NEBL: variants seen among roughly 807,000 people sequenced by gnomAD.
NEBL encodes the protein nebulette.
A neutral mutation model predicts 140.2 loss-of-function variants in NEBL; 122 were observed. The observed-to-expected ratio is 0.87, with a 90% CI of 0.75 to 1.01. NEBL has a LOEUF of 1.01. NEBL is among the 50% of genes least tolerant of loss of function. The pLI is 0.00. For synonymous variants in NEBL, 436 were observed against 398.9 expected (o/e 1.09, Z -1.11); for missense variants, 1,365 against 1,231.3 (o/e 1.11, Z -1.62).
rs1298480620 is a variant in NEBL, at chr10:20,808,507, T to C, written c.2761+3A>G. The C allele has an allele frequency of 6.2e-7, 1 of 1,613,866 alleles. No homozygotes were observed. Among genetic ancestry groups the C allele is most frequent in the Non-Finnish European group, 8.5e-7 (1 of 1,179,800 alleles). On this transcript the variant is annotated splice_donor_region_variant and intron_variant, in intron 26 of 27. Transcript: ENST00000377122. Reference sequence around the variant, plus strand: ...TTCTTTGTAAGCAGTGAATGTTTGATACCTCCTTCATCAGACGGTCTTGTT... The same window carrying C: ...TTCTTTGTAAGCAGTGAATGTTTGACACCTCCTTCATCAGACGGTCTTGTT...
intron 3 of NEBL, among the ~76,000 whole-genome samples, chr10:21,192,022 G>C (rs1167489962): frequency 1.3e-5 from 2 of 152,010 alleles, no homozygotes; most frequent in African/African-American, 4.8e-5. Flanking sequence ...GGGTCCCAAG[G>C]TTTTTGTTTC....
At chr10:20,803,822 T>A (rs575760546) in intron 26 of NEBL, among the ~76,000 whole-genome samples, 11,921 of 144,352 alleles carry the variant, frequency 0.083, 570 homozygotes, top group African/African-American at 0.12. Context: ...AATATATATA[T>A]ATATATATAT....
At chr10:21,029,049 A>G (rs1218312009) in intron 2 of NEBL, 7 of 958,362 alleles carry the variant, frequency 7.3e-6, no homozygotes, top group Middle Eastern at 3.3e-4. Flanking sequence ...CTATCTCCCT[A>G]ACAGACTTTC....
chr10:21,070,356 A>C (rs1835762088), intron 2 of NEBL, among the ~76,000 whole-genome samples: 1 of 152,182 alleles, frequency 6.6e-6, no homozygotes, highest in African/African-American at 2.4e-5. Context: ...CCCTGGTTAA[A>C]ATTAATGACA....
chr10:21,091,900 G>A (rs1250749429), intron 2 of NEBL, among the ~76,000 whole-genome samples: 2 of 152,128 alleles, frequency 1.3e-5, no homozygotes, highest in Admixed American at 1.3e-4. Context: ...TCAAAATGCT[G>A]GGATTACCGG....
At chr10:21,113,375 C>T in intron 2 of NEBL, 1 of 400,016 alleles carries the variant, frequency 2.5e-6, no homozygotes, top group Admixed American at 3.0e-5. Flanking sequence ...AAAATGCAAA[C>T]AAACACAGAA....
At chr10:21,083,872 C>T (rs1836498123) in intron 2 of NEBL, among the ~76,000 whole-genome samples, 2 of 152,138 alleles carry the variant, frequency 1.3e-5, no homozygotes, top group African/African-American at 4.8e-5. Flanking sequence ...AGAAGCTACA[C>T]TCTTACAGGT....
chr10:20,788,256 A>G (rs1433249842), intron 26 of NEBL, among the ~76,000 whole-genome samples: 1 of 152,210 alleles, frequency 6.6e-6, no homozygotes, highest in East Asian at 1.9e-4. Context: ...TGTCTTTTGA[A>G]AAATTTATGT....
intron 2 of NEBL, among the ~76,000 whole-genome samples, chr10:21,141,812 T>C (rs1839643298): frequency 6.6e-6 from 1 of 152,222 alleles, no homozygotes. Flanking sequence ...TCCCTTTGGA[T>C]GAAGCTCTGA....
intron 2 of NEBL, among the ~76,000 whole-genome samples, chr10:21,060,931 G>C (rs765173521): frequency 1.3e-5 from 2 of 152,040 alleles, no homozygotes; most frequent in Non-Finnish European, 2.9e-5. Context: ...ATGCTCCTTT[G>C]GTTCTCTTAC....
chr10:20,870,724 G>C (rs928426048), intron 5 of NEBL, among the ~76,000 whole-genome samples: 3 of 152,196 alleles, frequency 2.0e-5, no homozygotes, highest in Admixed American at 6.5e-5. Context: ...TCATTGGAAT[G>C]ACTTGAGCCT....
intron 2 of NEBL, among the ~76,000 whole-genome samples, chr10:21,110,151 A>G (rs1004883143): frequency 4.6e-5 from 7 of 152,054 alleles, no homozygotes; most frequent in African/African-American, 1.7e-4. Flanking sequence ...TTCATTTATT[A>G]TAATTGCTTT....
intron 3 of NEBL, among the ~76,000 whole-genome samples, chr10:20,987,359 C>G (rs1429166003): frequency 7.9e-5 from 12 of 152,242 alleles, no homozygotes. Flanking sequence ...CATCTCTCCT[C>G]CCTGCTCTTT....
At chr10:21,080,566 T>A (rs926162975) in intron 2 of NEBL, among the ~76,000 whole-genome samples, 1 of 152,192 alleles carries the variant, frequency 6.6e-6, no homozygotes, top group African/African-American at 2.4e-5. Context: ...GAGGGGAAGA[T>A]AAGCATATAC....
At chr10:21,054,338 T>C (rs150345963) in intron 2 of NEBL, among the ~76,000 whole-genome samples, 168 of 152,280 alleles carry the variant, frequency 1.1e-3, no homozygotes, top group African/African-American at 3.9e-3. Context: ...ATCTGTTTAA[T>C]GGTTATTTTT....
intron 3 of NEBL, among the ~76,000 whole-genome samples, chr10:21,215,868 G>A (rs1841984591): frequency 6.6e-6 from 1 of 152,102 alleles, no homozygotes; most frequent in Non-Finnish European, 1.5e-5. Context: ...ACAGGGTCTT[G>A]CCATGTTGCT....
At chr10:20,999,660 T>C (rs889691252) in intron 3 of NEBL, among the ~76,000 whole-genome samples, 1 of 151,904 alleles carries the variant, frequency 6.6e-6, no homozygotes, top group Non-Finnish European at 1.5e-5. Context: ...CCAGGATCTA[T>C]ATACCCAGGG....
chr10:20,929,290 A>T (rs926935933), intron 4 of NEBL, among the ~76,000 whole-genome samples: 1 of 151,908 alleles, frequency 6.6e-6, no homozygotes, highest in African/African-American at 2.4e-5. Flanking sequence ...CCTATCACTG[A>T]TTAAAGGAAC....
intron 4 of NEBL, among the ~76,000 whole-genome samples, chr10:20,928,630 C>T (rs1328272209): frequency 6.6e-6 from 1 of 152,180 alleles, no homozygotes; most frequent in Non-Finnish European, 1.5e-5. Context: ...TCTGCTTTCC[C>T]TTCTGATCCA....
Sources: allele counts gnomAD v4.1 joint callset (sites outside exome capture counted in the v4.1 genomes callset), GRCh38; gene constraint gnomAD v4.1.1; transcripts MANE v1.5; gene names NCBI Gene and HGNC (gene_info 2026-07-23, HGNC 2026-07-21).